The following CNTNAP2 variants were observed in gnomAD, a reference collection of about 807,000 sequenced individuals.
CNTNAP2 encodes contactin-associated protein-like 2.
Under a neutral mutation model 155.2 loss-of-function variants are expected in CNTNAP2, and 98 were observed. That is an observed-to-expected ratio of 0.63 (90% CI 0.54 to 0.75). The LOEUF is 0.75. CNTNAP2 is among the 30% of genes least tolerant of loss of function. The probability of loss-of-function intolerance (pLI) is 0.00; values close to 1 mark genes in which losing one functional copy is unlikely to be tolerated. For missense variants in CNTNAP2, 1,727 were observed against 1,688.1 expected, an observed-to-expected ratio of 1.02 and a Z score of -0.40; for synonymous variants, 651 against 631.2, an observed-to-expected ratio of 1.03 and a Z score of -0.47.
chr7:148,253,653 A>T (rs1796409540), intron 20 of CNTNAP2, among the ~76,000 whole-genome samples: 1 of 152,066 alleles, frequency 6.6e-6, no homozygotes, highest in Admixed American at 6.6e-5. Context: ...CTCTCTTCCC[A>T]CAGGGGGTCT....
At chr7:146,771,922 A>G (rs1241503715) in intron 1 of CNTNAP2, among the ~76,000 whole-genome samples, 1 of 152,138 alleles carries the variant, frequency 6.6e-6, no homozygotes, top group African/African-American at 2.4e-5. Context: ...TTTGTGGGGA[A>G]TTTAAGACCA....
chr7:146,163,128 C>A (rs1040894223), intron 1 of CNTNAP2, among the ~76,000 whole-genome samples: 1 of 151,934 alleles, frequency 6.6e-6, no homozygotes, highest in African/African-American at 2.4e-5. Context: ...GCACGTTGTG[C>A]ACATGTACCC....
chr7:146,525,570 A>ATCTATCTATCTC lies in CNTNAP2; in HGVS notation c.98-248694_98-248693insATCTCTCTATCT, dbSNP rs1472924221. Reference sequence around the variant, plus strand: ...TATCTATCTATCTATCTATCTATCTATCTATCTCTCTATCTATCATCTATC... The same window carrying ATCTATCTATCTC: ...TATCTATCTATCTATCTATCTATCTATCTATCTATCTCTCTATCTCTCTATCTATCATCTATC... On this transcript the variant is annotated intron_variant, in intron 1 of 23. Transcript: ENST00000361727. Among the ~76,000 whole-genome samples the ATCTATCTATCTC allele has an allele frequency of 5.7e-3, 793 of 140,186 alleles. 10 individuals carry two copies. The highest frequency in any genetic ancestry group is 0.024 in the African/African-American group (751 of 31,462). 92.0% of individuals were successfully genotyped at this position (140,186 alleles called of 152,430 possible).
intron 8 of CNTNAP2, among the ~76,000 whole-genome samples, chr7:147,298,701 A>G (rs1002951351): frequency 2.0e-5 from 3 of 152,374 alleles, no homozygotes; most frequent in Middle Eastern, 3.4e-3. Context: ...TTTCCAGTGC[A>G]GCTGACTCTT....
intron 13 of CNTNAP2, among the ~76,000 whole-genome samples, chr7:147,713,699 T>C (rs970219999): frequency 2.6e-5 from 4 of 152,142 alleles, no homozygotes; most frequent in South Asian, 2.1e-4. Context: ...AATGTTTAAA[T>C]TGATGAGAAA....
intron 1 of CNTNAP2, among the ~76,000 whole-genome samples, chr7:146,502,866 C>T (rs1797327288): frequency 6.6e-6 from 1 of 152,176 alleles, no homozygotes; most frequent in African/African-American, 2.4e-5. Flanking sequence ...CTGCCTGCCT[C>T]AGCCTACCAA....
intron 1 of CNTNAP2, among the ~76,000 whole-genome samples, chr7:146,185,356 C>T (rs73162103): frequency 0.17 from 25,768 of 152,084 alleles, 2,720 homozygotes; most frequent in East Asian, 0.28. Flanking sequence ...TATATTTTTT[C>T]CATGGCTCTT....
intron 13 of CNTNAP2, among the ~76,000 whole-genome samples, chr7:147,848,592 T>G (rs1027129541): frequency 1.3e-5 from 2 of 152,100 alleles, no homozygotes; most frequent in Non-Finnish European, 2.9e-5. Context: ...AGACCGGAGC[T>G]GTTCCTATTC....
At chr7:146,934,458 G>A (rs1796866200) in intron 3 of CNTNAP2, among the ~76,000 whole-genome samples, 1 of 102,694 alleles carries the variant, frequency 9.7e-6, no homozygotes, top group African/African-American at 3.8e-5. Context: ...GGGGGAGGGG[G>A]AAGGGGGGAG....
At chr7:146,620,671 G>A (rs1386147769) in intron 1 of CNTNAP2, among the ~76,000 whole-genome samples, 2 of 152,096 alleles carry the variant, frequency 1.3e-5, no homozygotes, top group Non-Finnish European at 1.5e-5. Context: ...ATTTAGCTGT[G>A]AATATGCAGG....
chr7:147,809,359 G>T (rs985559997), intron 13 of CNTNAP2, among the ~76,000 whole-genome samples: 28 of 152,196 alleles, frequency 1.8e-4, no homozygotes, highest in African/African-American at 6.5e-4. Context: ...CAGACACAGT[G>T]CTGGGCACTA....
chr7:146,252,713 C>A (rs541137357), intron 1 of CNTNAP2, among the ~76,000 whole-genome samples: 1 of 151,894 alleles, frequency 6.6e-6, no homozygotes, highest in Non-Finnish European at 1.5e-5. Context: ...TTTTAGGATA[C>A]CCATTGCCTT....
intron 9 of CNTNAP2, among the ~76,000 whole-genome samples, chr7:147,379,514 G>A (rs1258213281): frequency 1.3e-5 from 2 of 151,984 alleles, no homozygotes; most frequent in Non-Finnish European, 2.9e-5. Flanking sequence ...ATACCAGCTT[G>A]GAACCATTTT....
At chr7:147,257,324 T>C (rs1299429531) in intron 8 of CNTNAP2, among the ~76,000 whole-genome samples, 1 of 152,206 alleles carries the variant, frequency 6.6e-6, no homozygotes, top group Admixed American at 6.5e-5. Flanking sequence ...GAAGCAAGTC[T>C]GCCAAGCAGG....
At chr7:146,890,919 C>T (rs1322468224) in intron 3 of CNTNAP2, among the ~76,000 whole-genome samples, 1 of 152,112 alleles carries the variant, frequency 6.6e-6, no homozygotes, top group African/African-American at 2.4e-5. Context: ...AATCATTCTA[C>T]CAAAAAGACA....
intron 9 of CNTNAP2, among the ~76,000 whole-genome samples, chr7:147,305,231 G>C (rs1490164956): frequency 6.6e-6 from 1 of 152,124 alleles, no homozygotes; most frequent in African/African-American, 2.4e-5. Flanking sequence ...TGGGGTTTTT[G>C]CTATTGAAAG....
At chr7:147,742,574 C>G (rs960811890) in intron 13 of CNTNAP2, among the ~76,000 whole-genome samples, 4 of 152,164 alleles carry the variant, frequency 2.6e-5, no homozygotes, top group Non-Finnish European at 5.9e-5. Context: ...CTCTTTAATG[C>G]AACTATAAAT....
intron 1 of CNTNAP2, among the ~76,000 whole-genome samples, chr7:146,176,838 C>G (rs547982152): frequency 5.3e-5 from 8 of 152,238 alleles, no homozygotes; most frequent in African/African-American, 1.9e-4. Flanking sequence ...TTTTGGTATT[C>G]TTACAACTTA....
At chr7:146,280,124 C>T (rs954608565) in intron 1 of CNTNAP2, among the ~76,000 whole-genome samples, 13 of 152,022 alleles carry the variant, frequency 8.6e-5, no homozygotes, top group Non-Finnish European at 7.4e-5. Flanking sequence ...GTGGAAGTCA[C>T]GTCTATCTTT....
Sources: allele counts gnomAD v4.1 joint callset (sites outside exome capture counted in the v4.1 genomes callset), GRCh38; gene constraint gnomAD v4.1.1; transcripts MANE v1.5; gene names NCBI Gene and HGNC (gene_info 2026-07-23, HGNC 2026-07-21).